The following ZNF219 variants were observed in gnomAD, a reference collection of about 807,000 sequenced individuals.
The protein encoded by ZNF219 is zinc finger protein 219.
Under a neutral mutation model 54.4 loss-of-function variants are expected in ZNF219, and 17 were observed. The observed-to-expected ratio is 0.31, with a 90% confidence interval of 0.21 to 0.47. ZNF219 has a LOEUF of 0.47. ZNF219 is among the 20% of genes least tolerant of loss of function. The pLI is 1.00. For synonymous variants in ZNF219, 518 were observed against 476.4 expected (o/e 1.09, Z -1.14); for missense variants, 1,014 against 1,062.3 (o/e 0.95, Z 0.63).
chr14:21,102,069 C>T, upstream of ZNF219: 1 of 1,551,438 alleles, frequency 6.4e-7, no homozygotes, highest in Non-Finnish European at 8.7e-7. Context: ...TTCAGGGTCT[C>T]CTCACTGGGA....
rs1055745564 is a variant in ZNF219, at chr14:21,091,975, G to T, written c.1322C>A (p.Ala441Asp). The change falls in exon 3 of 5, where the codon GCC becomes GAC. Residue 441 changes from alanine to aspartate, a missense_variant. Transcript: ENST00000360947. ...EVVEAEEETWARGRSLGSLAS... is the reference protein window; with the variant it reads ...EVVEAEEETWDRGRSLGSLAS... Reference sequence around the variant, plus strand: ...CAGAGAGCCCAGCGACCTGCCCCGGGCCCAGGTTTCCTCCTCGGCCTCCAC... The same window carrying T: ...CAGAGAGCCCAGCGACCTGCCCCGGTCCCAGGTTTCCTCCTCGGCCTCCAC... 1 of 1,573,684 alleles carries T rather than the reference G, an allele frequency of 6.4e-7. No individual in the cohort carries two copies. Among genetic ancestry groups the T allele is most frequent in the East Asian group, 2.3e-5 (1 of 42,746 alleles).
upstream of ZNF219, chr14:21,101,648 T>C: frequency 1.5e-6 from 1 of 654,906 alleles, no homozygotes; most frequent in East Asian, 2.7e-5. Flanking sequence ...GCTTCCATCT[T>C]GTGGGGGAAA....
intron 4 of ZNF219, 51 bp downstream of exon 4, chr14:21,091,360 C>A: frequency 1.3e-6 from 2 of 1,565,656 alleles, no homozygotes; most frequent in Non-Finnish European, 1.7e-6. Flanking sequence ...TAGCCCTCAC[C>A]TTTCTGCCCG....
chr14:21,096,396 C>A (rs1427483020), intron 1 of ZNF219, among the ~76,000 whole-genome samples: 1 of 152,188 alleles, frequency 6.6e-6, no homozygotes, highest in African/African-American at 2.4e-5. Flanking sequence ...AGATCTGAAT[C>A]ATCTCCATAT....
Position 21,090,787 on chromosome 14 carries a change from C to A in ZNF219, c.1918G>T (p.Gly640Trp). 6.3e-7 allele frequency: 1 copy of A among 1,588,212 alleles called. No individual in the cohort carries two copies. Among genetic ancestry groups the A allele is most frequent in the East Asian group, 2.3e-5 (1 of 43,720 alleles). The part of the protein sequence containing the change: ...SLRAGPGGEA[G>W]PGGALHRCLF... ...CAGCGGTGGAGGGCACCCCCAGGCC[C>A]GGCCTCGCCTCCCGGCCCTGCCCGC... The change falls in exon 5 of 5, where the codon GGG (glycine) becomes TGG (tryptophan). Residue 640 changes from glycine (G) to tryptophan (W), a missense_variant. This residue lies in a region of ZNF219 where 281 missense variants were observed against 271.2 expected (regional missense o/e 1.04). Coordinates refer to ENST00000360947, the MANE Select transcript of ZNF219 (RefSeq NM_016423.3). The surrounding 1 kb of genome is among the most constrained non-coding windows in gnomAD (Gnocchi z 4.4).
Position 21,092,008 on chromosome 14 carries a change from T to C in ZNF219, c.1289A>G (p.Glu430Gly), listed in dbSNP as rs1169133726. 1.3e-6 allele frequency: 2 copies of C among 1,555,504 alleles called. No individual in the cohort carries two copies. The highest frequency in any genetic ancestry group is 3.9e-5 in the Admixed American group (2 of 51,428). ...TTCCTCCTCGGCCTCCACCACCTCC[T>C]CTTCTTCCTCAGGCTCCTCCGCACG... The part of the protein sequence containing the change: ...RHRAEEPEEE[E>G]EVVEAEEETW... The change falls in exon 3 of 5, where the codon GAG becomes GGG. Residue 430 changes from glutamate to glycine, a missense_variant. Transcript: ENST00000360947.
upstream of ZNF219, chr14:21,102,285 T>C: frequency 1.4e-6 from 2 of 1,404,658 alleles, no homozygotes; most frequent in East Asian, 2.5e-5. Context: ...AGAGGGCTTA[T>C]GGCCCTGTTT....
In ZNF219 at chr14:21,092,195, T is replaced by TGGGAGCCGGGGC; in HGVS notation, c.1090_1101dup (p.Ala364_Pro367dup). The TGGGAGCCGGGGC allele has an allele frequency of 2.8e-6, 4 of 1,434,586 alleles. No homozygotes were observed. The highest frequency in any genetic ancestry group is 3.6e-6 in the Non-Finnish European group (4 of 1,101,176). 88.9% of individuals were successfully genotyped at this position (1,434,586 alleles called of 1,614,324 possible). ...GGGGGCTCACGGCGCTCGGCCGGGG[T>TGGGAGCCGGGGC]GGGAGCCGGGGCCAAGAGGAGCGCT... On this transcript the variant is annotated inframe_insertion, in exon 3 of 5. Coordinates refer to ENST00000360947, the MANE Select transcript of ZNF219 (RefSeq NM_016423.3).
chr14:21,103,465 C>A, upstream of ZNF219: 1 of 708,290 alleles, frequency 1.4e-6, no homozygotes, highest in Non-Finnish European at 2.2e-6. Flanking sequence ...TTCTCCCTTG[C>A]ATCCATATCC....
In ZNF219 at chr14:21,090,485, C is replaced by G; in HGVS notation, c.*51G>C. ...TCTCTACCCAACTACCTCTAGCGCTCCCCCGCTCCGGCGGGGTAAGCTCAC... is the reference window on the plus strand; with the variant it reads ...TCTCTACCCAACTACCTCTAGCGCTGCCCCGCTCCGGCGGGGTAAGCTCAC... On this transcript the variant is annotated 3_prime_UTR_variant, in exon 5 of 5. Transcript: ENST00000360947. The surrounding 1 kb of genome is among the most constrained non-coding windows in gnomAD (Gnocchi z 4.4). 1 of 1,533,846 alleles carries G rather than the reference C, an allele frequency of 6.5e-7. No homozygotes were observed. Among genetic ancestry groups the G allele is most frequent in the Non-Finnish European group, 8.8e-7 (1 of 1,137,416 alleles).
intron 1 of ZNF219, among the ~76,000 whole-genome samples, chr14:21,095,388 G>T (rs2139318162): frequency 6.6e-6 from 1 of 152,312 alleles, no homozygotes; most frequent in South Asian, 2.1e-4. Flanking sequence ...ATTAGAATAG[G>T]ACTGAAGGGT....
At chr14:21,101,695 G>A, upstream of ZNF219, 1 of 669,316 alleles carries the variant, frequency 1.5e-6, no homozygotes, top group South Asian at 2.0e-5. Context: ...ATATGAGGCA[G>A]AAAAAATTAA....
chr14:21,095,988 G>A (rs1222354481), intron 1 of ZNF219, among the ~76,000 whole-genome samples: 1 of 149,472 alleles, frequency 6.7e-6, no homozygotes, highest in African/African-American at 2.5e-5. Flanking sequence ...GGAACATCCT[G>A]GTGTACAGCC....
chr14:21,095,752 T>G (rs1358593804), intron 1 of ZNF219, among the ~76,000 whole-genome samples: 1 of 152,126 alleles, frequency 6.6e-6, no homozygotes, highest in Non-Finnish European at 1.5e-5. Flanking sequence ...TTTTTTTCGT[T>G]CCTATCTGAA....
chr14:21,098,312 G>A lies in ZNF219; in HGVS notation c.-84C>T, dbSNP rs1269782451. 6.0e-6 allele frequency: 1 copy of A among 167,606 alleles called. No individual in the cohort carries two copies. Among genetic ancestry groups the A allele is most frequent in the Non-Finnish European group, 1.2e-5 (1 of 85,508 alleles). The allele number at this position is 167,606 out of a possible 1,614,324, so 10.4% of individuals were successfully genotyped here. ...GGGAGTCGGGGGAGCGGCTACTCAC[G>A]AGCCCCGGGCGGGCGGCGGCGGAGC... On this transcript the variant is annotated splice_region_variant and 5_prime_UTR_variant, in exon 1 of 5. Transcript: ENST00000360947.
At chr14:21,091,383 T>A (rs749826002) in intron 4 of ZNF219, 28 bp downstream of exon 4, 1 of 1,581,158 alleles carries the variant, frequency 6.3e-7, no homozygotes, top group Non-Finnish European at 8.7e-7. Flanking sequence ...CCCAGTCCCC[T>A]CTCCACGCCG....
At chr14:21,091,831 C>T (rs1270862588) in intron 3 of ZNF219, 34 bp downstream of exon 3, 3 of 1,489,866 alleles carry the variant, frequency 2.0e-6, no homozygotes, top group Non-Finnish European at 1.8e-6. Context: ...GAGGAGGACG[C>T]GGCGTACCCG....
At position 21,091,961 on chromosome 14, in the gene ZNF219, G is replaced by T. The variant is rs199871180; in HGVS notation, c.1336C>A (p.Leu446Met). 616 of 1,588,990 alleles carry T rather than the reference G, an allele frequency of 3.9e-4. No individual in the cohort carries two copies. Among genetic ancestry groups the T allele is most frequent in the Non-Finnish European group, 5.0e-4 (579 of 1,168,590 alleles). The change falls in exon 3 of 5, where the codon CTG becomes ATG. Residue 446 changes from leucine to methionine, a missense_variant. By Grantham distance (15) the Leu-to-Met change is conservative (BLOSUM62 2). Transcript: ENST00000360947. ...EEETWARGRSLGSLASLHPRP... is the reference protein window; with the variant it reads ...EEETWARGRSMGSLASLHPRP... ...GGGTGCAGGGAAGCCAGAGAGCCCA[G>T]CGACCTGCCCCGGGCCCAGGTTTCC...
Position 21,092,055 on chromosome 14 carries a change from G to A in ZNF219, c.1242C>T (p.Leu414=), listed in dbSNP as rs1888941493. 4 of 1,544,140 alleles carry A rather than the reference G, an allele frequency of 2.6e-6. No homozygotes were observed. The highest frequency in any genetic ancestry group is 3.5e-6 in the Non-Finnish European group (4 of 1,144,694). ...FGGFRPLSSA[L]PARARRHRAE... ...CACGGTGCCGGCGAGCCCGGGCCGGGAGAGCAGAGGACAGCGGGCGGAAGC... is the reference window on the plus strand; with the variant it reads ...CACGGTGCCGGCGAGCCCGGGCCGGAAGAGCAGAGGACAGCGGGCGGAAGC... The change falls in exon 3 of 5, where the codon CTC becomes CTT. Residue 414 remains leucine, a synonymous_variant. Coordinates refer to ENST00000360947, the MANE Select transcript of ZNF219 (RefSeq NM_016423.3).
Sources: allele counts gnomAD v4.1 joint callset (sites outside exome capture counted in the v4.1 genomes callset), GRCh38; gene constraint gnomAD v4.1.1; regional missense constraint gnomAD v4.1.1; non-coding constraint Gnocchi (gnomAD v3.1); transcripts MANE v1.5; gene names NCBI Gene and HGNC (gene_info 2026-07-23, HGNC 2026-07-21).